PLXDC1: variants seen among roughly 807,000 people sequenced by gnomAD.
The protein encoded by PLXDC1 is plexin domain containing 1.
In PLXDC1, 39 loss-of-function variants were observed where a neutral mutation model predicts 61.3. The ratio of observed to expected loss-of-function variants is 0.64; its 90% CI spans 0.49 to 0.83. PLXDC1 has a LOEUF of 0.83. PLXDC1 is among the 40% of genes least tolerant of loss of function. The pLI is 0.00. For missense variants in PLXDC1, 596 were observed against 666.5 expected (o/e 0.89, Z 1.17); for synonymous variants, 212 against 254.5 (o/e 0.83, Z 1.59).
chr17:39,073,597 C>G (rs1226774007), intron 11 of PLXDC1, among the ~76,000 whole-genome samples: 1 of 152,246 alleles, frequency 6.6e-6, no homozygotes, highest in Non-Finnish European at 1.5e-5. Context: ...CAGCCTCTCT[C>G]CCACTCACCA....
chr17:39,098,772 C>T (rs367754179), intron 7 of PLXDC1, among the ~76,000 whole-genome samples: 3 of 152,126 alleles, frequency 2.0e-5, no homozygotes, highest in African/African-American at 2.4e-5. Context: ...GAGTAAGAGG[C>T]GTTTTATACA....
At chr17:39,105,763 C>T in intron 7 of PLXDC1, 91 bp downstream of exon 7, 1 of 757,914 alleles carries the variant, frequency 1.3e-6, no homozygotes, top group Non-Finnish European at 2.2e-6. Flanking sequence ...CTTGTCTACT[C>T]CCTGCCACTG....
chr17:39,063,406 T>C lies in PLXDC1; in HGVS notation c.*4434A>G. 1.4e-6 allele frequency: 1 copy of C among 699,826 alleles called. No homozygotes were observed. The highest frequency in any genetic ancestry group is 2.7e-5 in the East Asian group (1 of 37,264). 43.4% of individuals were successfully genotyped at this position (699,826 alleles called of 1,614,324 possible). The stretch of plus-strand genomic sequence containing the variant: ...TTACAGACCAATATAAGTAAACAGC[T>C]GGGGTTTCTTTTTAGGCTGTTTCTC... On this transcript the variant is annotated 3_prime_UTR_variant, in exon 14 of 14. Coordinates refer to ENST00000315392, the MANE Select transcript of PLXDC1 (RefSeq NM_020405.5).
At chr17:39,118,841 CTG>C (rs1247202284) in intron 2 of PLXDC1, among the ~76,000 whole-genome samples, 1 of 152,100 alleles carries the variant, frequency 6.6e-6, no homozygotes, top group Non-Finnish European at 1.5e-5. Context: ...AATTGGGAAA[CTG>C]AGAAGCTGGC....
intron 11 of PLXDC1, 155 bp from the exon 12 acceptor site, chr17:39,072,640 C>G (rs1354573565): frequency 1.5e-6 from 1 of 666,388 alleles, no homozygotes; most frequent in Admixed American, 2.1e-5. Flanking sequence ...TCAAGTCACA[C>G]AGCAGTTGAG....
chr17:39,099,598 G>A (rs1373069323), intron 7 of PLXDC1, among the ~76,000 whole-genome samples: 2 of 152,160 alleles, frequency 1.3e-5, no homozygotes, highest in African/African-American at 2.4e-5. Flanking sequence ...GGTGGAATGG[G>A]AGTGGGTCAG....
Position 39,079,103 on chromosome 17 carries a change from C to G in PLXDC1, c.1050+1G>C. 1 of 1,612,922 alleles carries G rather than the reference C, an allele frequency of 6.2e-7. No homozygotes were observed. On this transcript the variant is annotated splice_donor_variant, in intron 10 of 13. Coordinates refer to ENST00000315392, the MANE Select transcript of PLXDC1 (RefSeq NM_020405.5). LOFTEE classifies it high-confidence loss of function. ...TTGCAGCAGATACTTATGCTTCTCA[C>G]CTCCTGTGCACAGCCATAGTCCATC...
intron 1 of PLXDC1, among the ~76,000 whole-genome samples, chr17:39,150,179 C>T (rs2045364045): frequency 6.6e-6 from 1 of 152,120 alleles, no homozygotes; most frequent in African/African-American, 2.4e-5. Context: ...TGGTTCTCAC[C>T]AGCAGCTTCT....
At chr17:39,149,079 T>G (rs1482595522) in intron 1 of PLXDC1, among the ~76,000 whole-genome samples, 1 of 152,150 alleles carries the variant, frequency 6.6e-6, no homozygotes, top group African/African-American at 2.4e-5. Context: ...AAGGCCATTT[T>G]CCTGTCTGTC....
chr17:39,069,736 A>T (rs1909037576), intron 13 of PLXDC1, 120 bp downstream of exon 13: 3 of 754,104 alleles, frequency 4.0e-6, no homozygotes, highest in Non-Finnish European at 6.7e-6. Context: ...GATGGGGTGG[A>T]TGAAGTTTTC....
At chr17:39,070,689 T>C (rs1909079899) in intron 12 of PLXDC1, among the ~76,000 whole-genome samples, 1 of 152,148 alleles carries the variant, frequency 6.6e-6, no homozygotes, top group Non-Finnish European at 1.5e-5. Flanking sequence ...TTAGAAAAAC[T>C]GGCAGGGGCT....
intron 7 of PLXDC1, among the ~76,000 whole-genome samples, chr17:39,101,319 C>T (rs1441731855): frequency 6.6e-6 from 1 of 152,176 alleles, no homozygotes; most frequent in African/African-American, 2.4e-5. Flanking sequence ...CGAGTAGGTG[C>T]CTGCTGTCTG....
At chr17:39,143,867 C>T (rs1912009983) in intron 1 of PLXDC1, among the ~76,000 whole-genome samples, 1 of 152,230 alleles carries the variant, frequency 6.6e-6, no homozygotes, top group East Asian at 1.9e-4. Flanking sequence ...TGCCCAGGCC[C>T]AAGCCAGGGC....
At chr17:39,122,549 C>T (rs776503714) in intron 2 of PLXDC1, among the ~76,000 whole-genome samples, 2 of 152,096 alleles carry the variant, frequency 1.3e-5, no homozygotes, top group African/African-American at 2.4e-5. Context: ...CAACACCAGG[C>T]CAGTCTATCC....
intron 2 of PLXDC1, chr17:39,137,644 A>T (rs572318682): frequency 1.3e-5 from 2 of 152,244 alleles, no homozygotes; most frequent in Non-Finnish European, 2.9e-5. Context: ...GAATAAAGAT[A>T]TCTTCAGACA....
intron 2 of PLXDC1, among the ~76,000 whole-genome samples, chr17:39,110,978 C>T (rs148673201): frequency 5.9e-5 from 9 of 152,186 alleles, no homozygotes; most frequent in African/African-American, 2.2e-4. Context: ...ATCAAAAACA[C>T]CTTGCTCTGT....
chr17:39,108,405 G>A (rs1598200305), intron 4 of PLXDC1, 160 bp from the exon 5 acceptor site: 2 of 701,776 alleles, frequency 2.8e-6, no homozygotes, highest in East Asian at 5.2e-5. Flanking sequence ...GGTCTGGTGT[G>A]TATGGAGCCA....
intron 13 of PLXDC1, among the ~76,000 whole-genome samples, chr17:39,069,529 G>A (rs1909028689): frequency 6.6e-6 from 1 of 152,160 alleles, no homozygotes. Flanking sequence ...CTGGAGATAG[G>A]CTGCACAGCC....
intron 2 of PLXDC1, among the ~76,000 whole-genome samples, chr17:39,110,112 C>A (rs1057224740): frequency 1.4e-5 from 2 of 147,884 alleles, no homozygotes; most frequent in African/African-American, 5.0e-5. Context: ...GGCGACAGAG[C>A]GAGACTCTGT....
Sources: gnomAD v4.1 joint callset for allele counts (sites outside exome capture counted in the v4.1 genomes callset) on GRCh38, gnomAD v4.1.1 for gene constraint, MANE v1.5 for transcripts, NCBI Gene and HGNC (gene_info 2026-07-23, HGNC 2026-07-21) for gene names.